Variants in PPM1E observed in about 807,000 individuals in gnomAD.
PPM1E encodes protein phosphatase, Mg2+/Mn2+ dependent 1E.
Under a neutral mutation model 65.9 loss-of-function variants are expected in PPM1E, and 20 were observed. The observed-to-expected ratio is 0.30, with a 90% CI of 0.21 to 0.44. PPM1E has a LOEUF of 0.44. PPM1E is among the 20% of genes least tolerant of loss of function. The pLI, the probability that PPM1E is intolerant of heterozygous loss-of-function variation, is 1.00. For missense variants in PPM1E, 713 were observed against 953.1 expected, an observed-to-expected ratio of 0.75 and a Z score of 3.32; for synonymous variants, 352 against 374.9, an observed-to-expected ratio of 0.94 and a Z score of 0.70.
intron 1 of PPM1E, chr17:58,899,382 T>G (rs1356929279): frequency 6.1e-6 from 1 of 164,672 alleles, no homozygotes; most frequent in Non-Finnish European, 1.4e-5. Context: ...GCTGAAGACC[T>G]CCCTCAAGCA....
intron 1 of PPM1E, among the ~76,000 whole-genome samples, chr17:58,758,976 A>G (rs1010918077): frequency 2.6e-5 from 4 of 152,172 alleles, no homozygotes; most frequent in Admixed American, 6.5e-5. Flanking sequence ...AGGCTGAGCC[A>G]CAAGAATCGC....
intron 1 of PPM1E, among the ~76,000 whole-genome samples, chr17:58,819,911 C>T (rs2050462859): frequency 6.6e-6 from 1 of 151,988 alleles, no homozygotes; most frequent in Non-Finnish European, 1.5e-5. Context: ...GTGGTGGGCA[C>T]CCGTAATCCC....
chr17:58,821,881 G>A (rs963832996), intron 1 of PPM1E, among the ~76,000 whole-genome samples: 7 of 152,280 alleles, frequency 4.6e-5, no homozygotes, highest in African/African-American at 1.7e-4. Flanking sequence ...TGTCTAAAAT[G>A]ACCAATTATT....
At chr17:58,963,899 A>C (rs1377594507) in intron 2 of PPM1E, among the ~76,000 whole-genome samples, 1 of 152,176 alleles carries the variant, frequency 6.6e-6, no homozygotes, top group Non-Finnish European at 1.5e-5. Context: ...AAAAAATAAA[A>C]AATAAAAATA....
At chr17:58,792,242 A>G (rs916089505) in intron 1 of PPM1E, among the ~76,000 whole-genome samples, 11 of 149,006 alleles carry the variant, frequency 7.4e-5, no homozygotes, top group Non-Finnish European at 1.5e-4. Context: ...TGCCTTATAC[A>G]ATAATAATTA....
chr17:58,954,257 TCA>T (rs540575137), intron 1 of PPM1E, among the ~76,000 whole-genome samples: 99 of 152,268 alleles, frequency 6.5e-4, no homozygotes, highest in African/African-American at 1.9e-3. Context: ...TATTTTTTTC[TCA>T]CTCTTTTTCT....
chr17:58,802,114 G>C (rs762632801), intron 1 of PPM1E, among the ~76,000 whole-genome samples: 4 of 152,170 alleles, frequency 2.6e-5, no homozygotes, highest in Non-Finnish European at 4.4e-5. Flanking sequence ...GCCAAGGCCA[G>C]TTGTCAAAGA....
intron 1 of PPM1E, among the ~76,000 whole-genome samples, chr17:58,868,353 C>T (rs1349952836): frequency 2.0e-5 from 3 of 151,858 alleles, no homozygotes; most frequent in African/African-American, 4.8e-5. Flanking sequence ...CGTAGGCCCT[C>T]GCTAACAATA....
intron 1 of PPM1E, among the ~76,000 whole-genome samples, chr17:58,892,523 C>T (rs770776450): frequency 5.9e-5 from 9 of 151,918 alleles, no homozygotes; most frequent in Non-Finnish European, 1.2e-4. Context: ...CAGTAAGCCA[C>T]GATCACACCA....
chr17:58,944,855 T>C, intron 1 of PPM1E, among the ~76,000 whole-genome samples: 1 of 152,132 alleles, frequency 6.6e-6, no homozygotes, highest in East Asian at 1.9e-4. Context: ...TACCTAGGAG[T>C]GGAATTGCTG....
chr17:58,892,318 A>T (rs533562669), intron 1 of PPM1E, among the ~76,000 whole-genome samples: 1 of 152,300 alleles, frequency 6.6e-6, no homozygotes, highest in Non-Finnish European at 1.5e-5. Context: ...TCATGCCTAT[A>T]ATCCTAGCAA....
At chr17:58,970,964 GTGT>G (rs146837832) in intron 4 of PPM1E, among the ~76,000 whole-genome samples, 366 of 151,806 alleles carry the variant, frequency 2.4e-3, no homozygotes, top group African/African-American at 3.8e-3. Context: ...TCAAAATTAT[GTGT>G]TGTTGTTGTT....
At chr17:58,821,173 C>A (rs2050475894) in intron 1 of PPM1E, among the ~76,000 whole-genome samples, 1 of 152,032 alleles carries the variant, frequency 6.6e-6, no homozygotes, top group African/African-American at 2.4e-5. Flanking sequence ...TGCAGTGGTG[C>A]AATCTTGGCT....
At chr17:58,856,925 T>G (rs1280698458) in intron 1 of PPM1E, among the ~76,000 whole-genome samples, 1 of 152,206 alleles carries the variant, frequency 6.6e-6, no homozygotes, top group Admixed American at 6.5e-5. Flanking sequence ...AATTTTCTTC[T>G]CTATATGGAA....
intron 6 of PPM1E, among the ~76,000 whole-genome samples, chr17:58,973,249 C>G (rs1831877351): frequency 6.6e-6 from 1 of 151,728 alleles, no homozygotes; most frequent in African/African-American, 2.4e-5. Context: ...AACCCCATCT[C>G]TATTAAAAAT....
intron 1 of PPM1E, among the ~76,000 whole-genome samples, chr17:58,907,938 ACAAT>A (rs1373949749): frequency 6.6e-6 from 1 of 152,008 alleles, no homozygotes; most frequent in Non-Finnish European, 1.5e-5. Flanking sequence ...ATCCATTCTG[ACAAT>A]CATTTAATTT....
intron 1 of PPM1E, among the ~76,000 whole-genome samples, chr17:58,880,734 C>T (rs1052251192): frequency 6.6e-6 from 1 of 152,146 alleles, no homozygotes; most frequent in African/African-American, 2.4e-5. Flanking sequence ...AGTGATCATC[C>T]CACCTCAGTC....
At chr17:58,805,771 C>A (rs866551991) in intron 1 of PPM1E, among the ~76,000 whole-genome samples, 2 of 151,716 alleles carry the variant, frequency 1.3e-5, no homozygotes, top group Non-Finnish European at 2.9e-5. Context: ...TTCTGATCAT[C>A]AAGGATCTGG....
intron 1 of PPM1E, among the ~76,000 whole-genome samples, chr17:58,793,954 G>C (rs935695847): frequency 1.3e-5 from 2 of 151,334 alleles, no homozygotes; most frequent in Admixed American, 1.3e-4. Flanking sequence ...AACGATTTTC[G>C]CATCTCAGCC....
Sources: allele counts gnomAD v4.1 joint callset (sites outside exome capture counted in the v4.1 genomes callset), GRCh38; gene constraint gnomAD v4.1.1; transcripts MANE v1.5; gene names NCBI Gene and HGNC (gene_info 2026-07-23, HGNC 2026-07-21).